The following ELAVL2 variants were observed in gnomAD, a reference collection of about 807,000 sequenced individuals.
The protein encoded by ELAVL2 is ELAV-like protein 2.
Under a neutral mutation model 34.6 loss-of-function variants are expected in ELAVL2, and 4 were observed. That is an observed-to-expected ratio of 0.12 (90% CI 0.06 to 0.26). The LOEUF is 0.26. Ranked by LOEUF, ELAVL2 falls within the 10% of genes least tolerant of loss-of-function variation. The pLI is 1.00. For missense variants in ELAVL2, 432 were observed against 442.8 expected, an observed-to-expected ratio of 0.98 and a Z score of 0.22; for synonymous variants, 193 against 154.8, an observed-to-expected ratio of 1.25 and a Z score of -1.83.
At chr9:23,826,909 C>T (rs1349409116), upstream of ELAVL2, among the ~76,000 whole-genome samples, 1 of 152,074 alleles carries the variant, frequency 6.6e-6, no homozygotes, top group Non-Finnish European at 1.5e-5. Flanking sequence ...ACGCATATTT[C>T]AGATTTATGT....
At chr9:23,704,250 A>G (rs978201546) in intron 4 of ELAVL2, among the ~76,000 whole-genome samples, 1 of 151,860 alleles carries the variant, frequency 6.6e-6, no homozygotes. Context: ...CTTTTATAAT[A>G]GAAAATTGTA....
At chr9:23,812,153 T>C (rs565004655) in intron 1 of ELAVL2, among the ~76,000 whole-genome samples, 1 of 152,074 alleles carries the variant, frequency 6.6e-6, no homozygotes, top group Admixed American at 6.5e-5. Context: ...TTCTGCCTCA[T>C]CTCCTTAGGT....
At chr9:23,714,653 G>A (rs140167609) in intron 3 of ELAVL2, among the ~76,000 whole-genome samples, 96 of 152,226 alleles carry the variant, frequency 6.3e-4, no homozygotes, top group African/African-American at 2.2e-3. Context: ...TAAAATGAGC[G>A]ATTCTTTTGG....
intron 2 of ELAVL2, among the ~76,000 whole-genome samples, chr9:23,750,793 T>C (rs913631758): frequency 6.6e-6 from 1 of 152,148 alleles, no homozygotes; most frequent in Non-Finnish European, 1.5e-5. Context: ...TCCCATGGCT[T>C]ACTTAGTACC....
the ELAVL2 span, chr9:23,847,212 T>G: frequency 6.6e-6 from 1 of 152,104 alleles, no homozygotes; most frequent in African/African-American, 2.4e-5. Context: ...AAATGAAGAT[T>G]ATTTTTGCAT....
At position 23,691,271 on chromosome 9, in the gene ELAVL2, A is replaced by G. The variant is rs1323112930; in HGVS notation, c.*1286T>C. On this transcript the variant is annotated 3_prime_UTR_variant, in exon 7 of 7. Coordinates refer to ENST00000397312, the MANE Select transcript of ELAVL2 (RefSeq NM_004432.5). Reference sequence around the variant, plus strand: ...CATGTAAGGGAAAAAAAATTAAATTAGCTGAAAGGTTCATAAACACAAGGT... The same window carrying G: ...CATGTAAGGGAAAAAAAATTAAATTGGCTGAAAGGTTCATAAACACAAGGT... The G allele has an allele frequency of 1.3e-5, 2 of 152,640 alleles. No individual in the cohort carries two copies. 9.5% of individuals were successfully genotyped at this position (152,640 alleles called of 1,614,324 possible). A position where few individuals can be genotyped will look rare whatever the true frequency, so the allele number is the denominator to read the frequency against.
chr9:23,779,187 A>G (rs1008051527), intron 1 of ELAVL2: 19 of 985,180 alleles, frequency 1.9e-5, no homozygotes, highest in Non-Finnish European at 7.2e-6. Context: ...TTTGGAGGTA[A>G]AACAGGAGGT....
At position 23,768,443 on chromosome 9, in the gene ELAVL2, CTTTT is replaced by C. The variant is rs527710583; in HGVS notation, c.-15-6198_-15-6195del. On this transcript the variant is annotated intron_variant, in intron 1 of 6. Transcript: ENST00000397312. ...CCCTAAATGTGTACAAACTAGGTAA[CTTTT>C]TTTTTTTTTTTTACTTTTTACAAAT... Among the ~76,000 whole-genome samples, 131 of 140,180 alleles carry C rather than the reference CTTTT, an allele frequency of 9.3e-4. 1 individual carries two copies. The highest frequency in any genetic ancestry group is 3.3e-3 in the South Asian group (14 of 4,290). 92.0% of individuals were successfully genotyped at this position (140,180 alleles called of 152,430 possible).
At chr9:23,711,869 G>T (rs2041055766) in intron 3 of ELAVL2, among the ~76,000 whole-genome samples, 1 of 138,532 alleles carries the variant, frequency 7.2e-6, no homozygotes, top group South Asian at 2.1e-4. Flanking sequence ...ATATTAAATT[G>T]AGAGTTTATT....
chr9:23,738,790 T>G (rs1357497460), intron 2 of ELAVL2, among the ~76,000 whole-genome samples: 1 of 152,220 alleles, frequency 6.6e-6, no homozygotes. Context: ...CTAAGCAGCC[T>G]AATTCTAGAG....
At chr9:23,725,450 C>T (rs1453259454) in intron 3 of ELAVL2, among the ~76,000 whole-genome samples, 1 of 152,176 alleles carries the variant, frequency 6.6e-6, no homozygotes, top group Non-Finnish European at 1.5e-5. Flanking sequence ...AACTGTGCTG[C>T]AGGTATTTTA....
At chr9:23,752,886 A>G (rs1395619435) in intron 2 of ELAVL2, among the ~76,000 whole-genome samples, 1 of 152,194 alleles carries the variant, frequency 6.6e-6, no homozygotes, top group African/African-American at 2.4e-5. Context: ...TAAAGATGAT[A>G]TATGGTGTCA....
chr9:23,731,633 T>C (rs1322097863), intron 2 of ELAVL2, among the ~76,000 whole-genome samples: 1 of 152,174 alleles, frequency 6.6e-6, no homozygotes, highest in Non-Finnish European at 1.5e-5. Flanking sequence ...GAACCATGTG[T>C]GGGCGTGTAT....
At chr9:23,770,969 A>G (rs148881009) in intron 1 of ELAVL2, among the ~76,000 whole-genome samples, 1 of 152,310 alleles carries the variant, frequency 6.6e-6, no homozygotes, top group East Asian at 1.9e-4. Flanking sequence ...TCTAAGAGGT[A>G]ATGAGGCCGG....
upstream of ELAVL2, among the ~76,000 whole-genome samples, chr9:23,826,893 T>C (rs574019335): frequency 2.3e-4 from 35 of 152,242 alleles, no homozygotes; most frequent in Non-Finnish European, 4.4e-4. Context: ...GTCTTTATTT[T>C]AATATACGCA....
chr9:23,756,324 T>C (rs2053548957), intron 2 of ELAVL2, among the ~76,000 whole-genome samples: 1 of 152,308 alleles, frequency 6.6e-6, no homozygotes. Context: ...AACATCTCTT[T>C]GGGCCCTCTG....
intron 1 of ELAVL2, among the ~76,000 whole-genome samples, chr9:23,768,960 G>C (rs1401834069): frequency 6.6e-6 from 1 of 152,108 alleles, no homozygotes; most frequent in Non-Finnish European, 1.5e-5. Context: ...CATGGCTAGA[G>C]GCAAAGACAA....
intron 3 of ELAVL2, among the ~76,000 whole-genome samples, chr9:23,728,903 G>C (rs750084451): frequency 1.3e-5 from 2 of 152,090 alleles, no homozygotes; most frequent in African/African-American, 4.8e-5. Flanking sequence ...TAGGGGCGGG[G>C]AAAGAAGTAG....
At chr9:23,833,955 G>A in the ELAVL2 span, among the ~76,000 whole-genome samples, 3 of 151,970 alleles carry the variant, frequency 2.0e-5, no homozygotes, top group South Asian at 2.1e-4. Context: ...CATCAGGTAA[G>A]AGTGAAATGA....
Sources: allele counts gnomAD v4.1 joint callset (sites outside exome capture counted in the v4.1 genomes callset), GRCh38; gene constraint gnomAD v4.1.1; transcripts MANE v1.5; gene names NCBI Gene and HGNC (gene_info 2026-07-23, HGNC 2026-07-21).